Variants in CHRM2 observed in about 807,000 individuals in gnomAD.
CHRM2 encodes cholinergic receptor muscarinic 2.
Under a neutral mutation model 25.0 loss-of-function variants are expected in CHRM2, and 8 were observed. The observed-to-expected ratio is 0.32, with a 90% CI of 0.19 to 0.58. The LOEUF (loss-of-function observed/expected upper bound fraction) is 0.58. Ranked by LOEUF, CHRM2 falls within the 20% of genes least tolerant of loss-of-function variation. The pLI, the probability that CHRM2 is intolerant of heterozygous loss-of-function variation, is 0.88. For missense variants in CHRM2, 440 were observed against 567.1 expected (o/e 0.78, Z 2.28); for synonymous variants, 202 against 205.7 (o/e 0.98, Z 0.15).
intron 2 of CHRM2, among the ~76,000 whole-genome samples, chr7:136,936,311 T>C (rs1799407244): frequency 6.6e-6 from 1 of 152,066 alleles, no homozygotes; most frequent in African/African-American, 2.4e-5. Context: ...ATATAAATAC[T>C]CAAATCAAGA....
intron 2 of CHRM2, among the ~76,000 whole-genome samples, chr7:136,926,852 T>A (rs749960424): frequency 6.4e-4 from 97 of 152,296 alleles, no homozygotes; most frequent in Non-Finnish European, 1.1e-3. Flanking sequence ...ACATAATTGA[T>A]GAAATTCTAT....
intron 2 of CHRM2, among the ~76,000 whole-genome samples, chr7:136,949,354 C>A (rs1416084060): frequency 6.6e-6 from 1 of 151,610 alleles, no homozygotes; most frequent in Non-Finnish European, 1.5e-5. Context: ...CTATGATTCA[C>A]ACCTGTAATC....
intron 3 of CHRM2, among the ~76,000 whole-genome samples, chr7:137,003,266 A>C (rs917994249): frequency 2.6e-5 from 4 of 152,150 alleles, no homozygotes; most frequent in Non-Finnish European, 5.9e-5. Context: ...GCCATTCTTC[A>C]AGCTTCCATA....
chr7:136,966,465 T>C (rs1289785830), intron 2 of CHRM2, among the ~76,000 whole-genome samples: 1 of 151,948 alleles, frequency 6.6e-6, no homozygotes, highest in Non-Finnish European at 1.5e-5. Flanking sequence ...GTTTTCTTTT[T>C]CAATTTTTAA....
At chr7:136,969,956 C>T (rs1487868220) in intron 2 of CHRM2, among the ~76,000 whole-genome samples, 4 of 152,136 alleles carry the variant, frequency 2.6e-5, no homozygotes, top group Admixed American at 2.6e-4. Context: ...CAATTCAGTT[C>T]CTGGTGAGGG....
chr7:137,010,436 T>C (rs1804726571), intron 3 of CHRM2, among the ~76,000 whole-genome samples: 1 of 152,050 alleles, frequency 6.6e-6, no homozygotes, highest in Admixed American at 6.6e-5. Context: ...TGTAGTCTCA[T>C]GAGATTATGT....
chr7:136,991,649 C>G (rs1003985636), intron 2 of CHRM2, among the ~76,000 whole-genome samples: 10 of 152,046 alleles, frequency 6.6e-5, no homozygotes, highest in Admixed American at 5.9e-4. Context: ...GAGGGAGGTG[C>G]ACTTTTTCAT....
At chr7:136,905,457 G>C (rs1312921110) in intron 2 of CHRM2, among the ~76,000 whole-genome samples, 1 of 151,126 alleles carries the variant, frequency 6.6e-6, no homozygotes, top group Non-Finnish European at 1.5e-5. Flanking sequence ...AAATTCTGTT[G>C]GTTTTTAAAC....
intron 2 of CHRM2, among the ~76,000 whole-genome samples, chr7:136,895,498 G>A (rs1387081214): frequency 1.3e-5 from 2 of 151,920 alleles, no homozygotes; most frequent in African/African-American, 2.4e-5. Flanking sequence ...AACCTTTTTT[G>A]GTGTTTCTGC....
At chr7:136,871,245 G>C (rs1795819942) in intron 2 of CHRM2, 1 of 153,064 alleles carries the variant, frequency 6.5e-6, no homozygotes, top group South Asian at 2.1e-4. Flanking sequence ...AGGCATGAGG[G>C]GAGGGAGTCT....
At chr7:136,909,985 C>T (rs540000002) in intron 2 of CHRM2, among the ~76,000 whole-genome samples, 21 of 150,490 alleles carry the variant, frequency 1.4e-4, no homozygotes, top group African/African-American at 4.6e-4. Context: ...TACACATACA[C>T]CCCCCCCAAC....
rs1376010262 is a variant in CHRM2, at chr7:137,017,160, C to T, written c.*894C>T. 2.0e-5 allele frequency: 3 copies of T among 151,924 alleles called. No individual in the cohort carries two copies. Among genetic ancestry groups the T allele is most frequent in the Non-Finnish European group, 4.4e-5 (3 of 67,918 alleles). 9.4% of individuals were successfully genotyped at this position (151,924 alleles called of 1,614,324 possible). On this transcript the variant is annotated 3_prime_UTR_variant, in exon 4 of 4. Transcript: ENST00000680005. ...CTTTTATATCAACAGAATATCCTAC[C>T]TAAAACATAAACCTGTTTAAGAAAC...
chr7:136,954,187 A>G (rs1216163922), intron 2 of CHRM2, among the ~76,000 whole-genome samples: 1 of 152,258 alleles, frequency 6.6e-6, no homozygotes, highest in Non-Finnish European at 1.5e-5. Context: ...ATACACATAC[A>G]TATGCATTAT....
At chr7:136,959,677 C>T (rs1800946674) in intron 2 of CHRM2, among the ~76,000 whole-genome samples, 1 of 152,122 alleles carries the variant, frequency 6.6e-6, no homozygotes, top group South Asian at 2.1e-4. Flanking sequence ...CTTTGGGAGG[C>T]CGAGGCAGCA....
At chr7:136,939,775 T>C (rs1799655780) in intron 2 of CHRM2, among the ~76,000 whole-genome samples, 1 of 152,178 alleles carries the variant, frequency 6.6e-6, no homozygotes. Context: ...TTTCAGTACA[T>C]AAAAATGGAC....
intron 2 of CHRM2, among the ~76,000 whole-genome samples, chr7:136,935,173 C>T (rs1799339930): frequency 6.6e-6 from 1 of 151,678 alleles, no homozygotes; most frequent in South Asian, 2.1e-4. Flanking sequence ...TATTAAGACT[C>T]ACCATGAAGT....
intron 2 of CHRM2, among the ~76,000 whole-genome samples, chr7:136,889,307 G>C (rs1399849041): frequency 6.6e-6 from 1 of 151,946 alleles, no homozygotes; most frequent in African/African-American, 2.4e-5. Flanking sequence ...CTTATGTAAG[G>C]GTCATTTGAC....
rs57705639 is a variant in CHRM2 at position 136,930,898 on chromosome 7, C to CAAAAAAAAAAAAAA, written c.-124-61273_-124-61260dup. ...GGCTACAGAGCCAGACTCATTCTCT[C>CAAAAAAAAAAAAAA]AAAAAAAAAAAAAAAAAAAAAAAAA... is the stretch of plus-strand genomic sequence containing the variant. On this transcript the variant is annotated intron_variant, in intron 2 of 3. Coordinates refer to ENST00000680005, the MANE Select transcript of CHRM2 (RefSeq NM_001006630.2). Among the ~76,000 whole-genome samples the CAAAAAAAAAAAAAA allele has an allele frequency of 4.1e-3, 248 of 61,106 alleles. 9 individuals are homozygous for CAAAAAAAAAAAAAA. The highest frequency in any genetic ancestry group is 6.9e-3 in the Non-Finnish European group (183 of 26,660). 40.1% of individuals were successfully genotyped at this position (61,106 alleles called of 152,430 possible).
chr7:136,904,626 T>G (rs1408717348), intron 2 of CHRM2, among the ~76,000 whole-genome samples: 1 of 151,966 alleles, frequency 6.6e-6, no homozygotes, highest in Non-Finnish European at 1.5e-5. Flanking sequence ...TTTCCCTTTT[T>G]AAAATAATTT....
Sources: gnomAD v4.1 joint callset for allele counts (sites outside exome capture counted in the v4.1 genomes callset) on GRCh38, gnomAD v4.1.1 for gene constraint, MANE v1.5 for transcripts, NCBI Gene and HGNC (gene_info 2026-07-23, HGNC 2026-07-21) for gene names.